CAND2: variants seen among roughly 807,000 people sequenced by gnomAD.
The protein encoded by CAND2 is cullin-associated NEDD8-dissociated protein 2.
Under a neutral mutation model 98.9 loss-of-function variants are expected in CAND2, and 62 were observed. The observed-to-expected ratio is 0.63, with a 90% CI of 0.51 to 0.77. The LOEUF (loss-of-function observed/expected upper bound fraction) is 0.77. Among genes scored for constraint, CAND2 ranks in the 30% least tolerant of loss-of-function variants. The probability of loss-of-function intolerance (pLI) is 0.00; values close to 1 mark genes in which losing one functional copy is unlikely to be tolerated. For missense variants in CAND2, 1,501 were observed against 1,655.2 expected (o/e 0.91, Z 1.62); for synonymous variants, 770 against 731.9 (o/e 1.05, Z -0.84).
chr3:12,829,870 T>C (rs2062038952), intron 13 of CAND2, among the ~76,000 whole-genome samples: 1 of 152,238 alleles, frequency 6.6e-6, no homozygotes, highest in East Asian at 1.9e-4. Flanking sequence ...ATATCAGTCC[T>C]GTCAACAGCT....
At chr3:12,828,253 A>G (rs1575782388) in intron 13 of CAND2, among the ~76,000 whole-genome samples, 1 of 151,914 alleles carries the variant, frequency 6.6e-6, no homozygotes, top group East Asian at 1.9e-4. Flanking sequence ...TTATTCACAT[A>G]TATGATAGAA....
rs180768267 is a variant in CAND2 at position 12,817,058 on chromosome 3, A to G, written c.2126A>G (p.His709Arg). The G allele has an allele frequency of 2.5e-3, 4,096 of 1,612,916 alleles. 94 individuals carry two copies. In the Admixed American group the frequency reaches 0.046, roughly 18 times the overall value. ...GCCCTGGTCAACGAGAGCGACATGC[A>G]TGTGGCCCAGCTGGCTGTGGACTTC... The part of the protein sequence containing the change: ...LPALVNESDM[H>R]VAQLAVDFLA... Residue 709 changes from histidine (H) to arginine (R), a missense_variant, in exon 10 of 15, where the codon CAT (histidine) becomes CGT (arginine). Physicochemically the swap from His to Arg is conservative, Grantham distance 29. Transcript: ENST00000456430.
chr3:12,814,096 C>G (rs1214217977), intron 7 of CAND2, among the ~76,000 whole-genome samples: 1 of 152,186 alleles, frequency 6.6e-6, no homozygotes, highest in African/African-American at 2.4e-5. Flanking sequence ...TAATAGAGAG[C>G]TAAGGATGTG....
chr3:12,825,633 C>T lies in CAND2; in HGVS notation c.3204C>T (p.Ile1068=), dbSNP rs770323076. The T allele has an allele frequency of 6.3e-7, 1 of 1,590,262 alleles. No homozygotes were observed. The highest frequency in any genetic ancestry group is 2.3e-5 in the East Asian group (1 of 44,260). The change falls in exon 12 of 15, where the codon ATC becomes ATT. Residue 1068 remains isoleucine (I), a synonymous_variant. Coordinates refer to ENST00000456430, the MANE Select transcript of CAND2 (RefSeq NM_001162499.2). ...AGACAAAGATCCGGCGGGACCTCAT[C>T]CGAGAGGTGTGGAGCAGAGCTGGGG... ...YQETKIRRDL[I]REVEMGPFKH... is the part of the protein sequence containing the mutation.
At chr3:12,818,273 A>C (rs557939702) in intron 10 of CAND2, among the ~76,000 whole-genome samples, 8 of 147,632 alleles carry the variant, frequency 5.4e-5, no homozygotes, top group Non-Finnish European at 9.0e-5. Flanking sequence ...AAAAAAAAAA[A>C]CAAAACAAAA....
chr3:12,833,309 G>A (rs1306992741), intron 14 of CAND2, among the ~76,000 whole-genome samples: 1 of 152,200 alleles, frequency 6.6e-6, no homozygotes, highest in African/African-American at 2.4e-5. Flanking sequence ...GCGGGGCAGG[G>A]ACTTGAGTAT....
chr3:12,802,847 C>G (rs1369634554), intron 1 of CAND2, among the ~76,000 whole-genome samples: 1 of 152,168 alleles, frequency 6.6e-6, no homozygotes, highest in African/African-American at 2.4e-5. Flanking sequence ...GCCTGTTGCT[C>G]CTAGGCTACA....
chr3:12,827,916 G>A (rs1010426059), intron 13 of CAND2, among the ~76,000 whole-genome samples: 3 of 151,764 alleles, frequency 2.0e-5, no homozygotes, highest in African/African-American at 7.3e-5. Context: ...CCAGGAGGTT[G>A]AGGCTGCAGT....
At chr3:12,801,204 A>G (rs1478790455) in intron 1 of CAND2, among the ~76,000 whole-genome samples, 1 of 151,614 alleles carries the variant, frequency 6.6e-6, no homozygotes, top group Non-Finnish European at 1.5e-5. Flanking sequence ...CGCTCGGCTA[A>G]TTTTTGTATT....
chr3:12,801,047 T>A (rs1430185136), intron 1 of CAND2, among the ~76,000 whole-genome samples: 27 of 147,220 alleles, frequency 1.8e-4, no homozygotes, highest in Admixed American at 6.8e-4. Flanking sequence ...TTTTTTTTTT[T>A]TTTTTTTTGA....
At chr3:12,804,382 G>A (rs1012812227) in intron 2 of CAND2, among the ~76,000 whole-genome samples, 7 of 152,222 alleles carry the variant, frequency 4.6e-5, no homozygotes, top group African/African-American at 1.7e-4. Context: ...AGAATCGCTT[G>A]AACCCAGGAG....
At chr3:12,812,219 A>ATTTTTTTTT (rs1575768881) in intron 5 of CAND2, among the ~76,000 whole-genome samples, 1 of 45,670 alleles carries the variant, frequency 2.2e-5, no homozygotes, top group Non-Finnish European at 4.7e-5. Flanking sequence ...TAAGCTGTTT[A>ATTTTTTTTT]TCTTTTTTTT....
chr3:12,807,444 C>G lies in CAND2; in HGVS notation c.351C>G (p.Leu117=). Reference sequence around the variant, plus strand: ...GCCTCAAGACCGTCCTCTCGGAGCTCCCTCCTGCAGCCACAGGTACCCAGG... The same window carrying G: ...GCCTCAAGACCGTCCTCTCGGAGCTGCCTCCTGCAGCCACAGGTACCCAGG... ...GIGLKTVLSE[L]PPAATGSGLA... The change falls in exon 3 of 15, where the codon CTC becomes CTG. Residue 117 remains leucine (L), a synonymous_variant. Transcript: ENST00000456430. 1 of 1,551,536 alleles carries G rather than the reference C, an allele frequency of 6.4e-7. No homozygotes were observed. The highest frequency in any genetic ancestry group is 8.7e-7 in the Non-Finnish European group (1 of 1,146,920).
At chr3:12,822,405 A>G (rs1238217671) in intron 11 of CAND2, among the ~76,000 whole-genome samples, 1 of 147,426 alleles carries the variant, frequency 6.8e-6, no homozygotes, top group African/African-American at 2.5e-5. Context: ...CAATCCTCCC[A>G]CTTGAGCCTC....
chr3:12,821,578 C>T (rs775782582), intron 11 of CAND2, among the ~76,000 whole-genome samples: 7 of 152,236 alleles, frequency 4.6e-5, no homozygotes, highest in Admixed American at 6.5e-5. Context: ...ACATGCCCCC[C>T]CTCCGGCCTG....
chr3:12,797,292 A>C (rs1437940488), intron 1 of CAND2, among the ~76,000 whole-genome samples: 1 of 149,890 alleles, frequency 6.7e-6, no homozygotes, highest in African/African-American at 2.5e-5. Flanking sequence ...CGCAACCCCC[A>C]GCTGACTTTC....
chr3:12,815,909 C>A lies in CAND2; in HGVS notation c.1342C>A (p.Arg448=). 1 of 1,613,732 alleles carries A rather than the reference C, an allele frequency of 6.2e-7. No homozygotes were observed. The highest frequency in any genetic ancestry group is 8.5e-7 in the Non-Finnish European group (1 of 1,179,974). ...GGCCCTGCAGCGGCAGCTTAAAGAT[C>A]GGAGCGTCAGAGCCCGCCAGGGATG... ...VKALQRQLKD[R]SVRARQGCFS... Residue 448 remains arginine (R), a synonymous_variant, in exon 9 of 15, where the codon CGG becomes AGG. Coordinates refer to ENST00000456430, the MANE Select transcript of CAND2 (RefSeq NM_001162499.2). The surrounding 1 kb of genome is among the most constrained non-coding windows in gnomAD (Gnocchi z 5.7).
Position 12,814,611 on chromosome 3 carries a change from G to C in CAND2, c.1007-530G>C, listed in dbSNP as rs57411811. Among the ~76,000 whole-genome samples, 1,113 of 152,272 alleles carry C rather than the reference G, an allele frequency of 7.3e-3. 13 individuals are homozygous for C. The highest frequency in any genetic ancestry group is 0.025 in the African/African-American group (1,027 of 41,536). On this transcript the variant is annotated intron_variant, in intron 7 of 14. Transcript: ENST00000456430. The stretch of plus-strand genomic sequence containing the variant: ...GAGGCAGAGATCGGGGGAGAGAAGA[G>C]GCCAAAGGGAGGCTCTGTCCCTTCT...
chr3:12,799,648 G>T (rs979531500), intron 1 of CAND2, among the ~76,000 whole-genome samples: 10 of 152,202 alleles, frequency 6.6e-5, no homozygotes, highest in Admixed American at 2.0e-4. Flanking sequence ...GCCCTCTGCA[G>T]ACCTGTTCTT....
Sources: allele counts gnomAD v4.1 joint callset (sites outside exome capture counted in the v4.1 genomes callset), GRCh38; gene constraint gnomAD v4.1.1; non-coding constraint Gnocchi (gnomAD v3.1); transcripts MANE v1.5; gene names NCBI Gene and HGNC (gene_info 2026-07-23, HGNC 2026-07-21).